Variants in DPYD observed in about 807,000 individuals in gnomAD.
DPYD encodes the protein dihydropyrimidine dehydrogenase [NADP(+)].
A neutral mutation model predicts 116.2 loss-of-function variants in DPYD; 109 were observed. The observed-to-expected ratio is 0.94, with a 90% CI of 0.80 to 1.10. DPYD has a LOEUF of 1.10. Among genes scored for constraint, DPYD ranks in the 50% least tolerant of loss-of-function variants. DPYD has a pLI of 0.00. For synonymous variants in DPYD, 440 were observed against 432.0 expected (o/e 1.02, Z -0.23); for missense variants, 1,302 against 1,254.5 (o/e 1.04, Z -0.57).
At chr1:97,167,039 G>A (rs1656377438) in intron 20 of DPYD, among the ~76,000 whole-genome samples, 1 of 151,958 alleles carries the variant, frequency 6.6e-6, no homozygotes, top group African/African-American at 2.4e-5. Context: ...TTTTTTTATA[G>A]CCAAAGTTTA....
intron 20 of DPYD, among the ~76,000 whole-genome samples, chr1:97,173,534 GAAGT>G (rs1462823185): frequency 2.7e-5 from 4 of 150,090 alleles, no homozygotes; most frequent in African/African-American, 9.8e-5. Flanking sequence ...ACAATTATGT[GAAGT>G]ATTTAGAGTT....
intron 8 of DPYD, among the ~76,000 whole-genome samples, chr1:97,664,340 G>GTA (rs148781303): frequency 0.011 from 1,627 of 151,146 alleles, 36 homozygotes; most frequent in African/African-American, 0.037. Context: ...GTATGTGTGT[G>GTA]TATATATATA....
intron 8 of DPYD, among the ~76,000 whole-genome samples, chr1:97,606,474 A>G (rs1655609052): frequency 6.6e-6 from 1 of 151,978 alleles, no homozygotes. Flanking sequence ...TAAAAGATTA[A>G]TGTTTCCAGT....
chr1:97,595,758 T>C (rs1311587007), intron 8 of DPYD, among the ~76,000 whole-genome samples: 1 of 151,840 alleles, frequency 6.6e-6, no homozygotes, highest in East Asian at 1.9e-4. Context: ...GTAAGGAACA[T>C]ATTAGCTTTT....
chr1:97,813,040 T>C (rs548779965), intron 3 of DPYD, among the ~76,000 whole-genome samples: 1 of 152,270 alleles, frequency 6.6e-6, no homozygotes, highest in South Asian at 2.1e-4. Context: ...ACTTTCATTT[T>C]GGTGGAATGC....
intron 18 of DPYD, among the ~76,000 whole-genome samples, chr1:97,292,426 C>T (rs1281339661): frequency 6.6e-6 from 1 of 152,096 alleles, no homozygotes; most frequent in African/African-American, 2.4e-5. Flanking sequence ...GGGGGAAAAG[C>T]CCCTTATAAA....
intron 10 of DPYD, among the ~76,000 whole-genome samples, chr1:97,587,950 T>A (rs1654252865): frequency 6.6e-6 from 1 of 151,948 alleles, no homozygotes. Context: ...GGCCTATAGG[T>A]CATGCCACAA....
rs146209480 is a variant in DPYD, at chr1:97,358,966, C to T, written c.2058+14595G>A. ...AAAGCTGGATGGAGAATGATTTTGA[C>T]AAGTTGACAGAAGTAGGCTTCAGAA... On this transcript the variant is annotated intron_variant, in intron 16 of 22. Coordinates refer to ENST00000370192, the MANE Select transcript of DPYD (RefSeq NM_000110.4). 8.9e-3 allele frequency among the ~76,000 whole-genome samples: 1,353 copies of T among 152,212 alleles called. 8 individuals carry two copies. Among genetic ancestry groups the T allele is most frequent in the South Asian group, 0.014 (67 of 4,808 alleles).
intron 1 of DPYD, among the ~76,000 whole-genome samples, chr1:97,917,158 A>C (rs1368547202): frequency 6.6e-6 from 1 of 152,226 alleles, no homozygotes; most frequent in African/African-American, 2.4e-5. Flanking sequence ...TGCAGTGCCC[A>C]GTCAATAAAA....
intron 14 of DPYD, among the ~76,000 whole-genome samples, chr1:97,433,017 G>A (rs1461297065): frequency 6.6e-6 from 1 of 152,112 alleles, no homozygotes; most frequent in Non-Finnish European, 1.5e-5. Context: ...TTGCTCGGGA[G>A]TTCTCTCTGC....
intron 18 of DPYD, among the ~76,000 whole-genome samples, chr1:97,261,552 C>G (rs902496428): frequency 3.5e-4 from 50 of 142,792 alleles, no homozygotes; most frequent in African/African-American, 1.2e-3. Flanking sequence ...CCTAACTTGC[C>G]AAGCAGGAAA....
chr1:97,780,268 T>A (rs1666664369), intron 3 of DPYD, among the ~76,000 whole-genome samples: 1 of 152,194 alleles, frequency 6.6e-6, no homozygotes, highest in African/African-American at 2.4e-5. Flanking sequence ...AATTAGAAAC[T>A]GATGAACAAA....
intron 12 of DPYD, among the ~76,000 whole-genome samples, chr1:97,519,257 G>A (rs1020352686): frequency 6.6e-6 from 1 of 152,148 alleles, no homozygotes; most frequent in Non-Finnish European, 1.5e-5. Flanking sequence ...CACAATCATG[G>A]TGGGAGGCAA....
At position 97,657,987 on chromosome 1, in the gene DPYD, T is replaced by C. The variant is rs188635968; in HGVS notation, c.850+21108A>G. Among the ~76,000 whole-genome samples, 6 of 152,244 alleles carry C rather than the reference T, an allele frequency of 3.9e-5. No individual in the cohort carries two copies. The East Asian group carries it at 9.7e-4, about 24-fold the overall frequency. On this transcript the variant is annotated intron_variant, in intron 8 of 22. Transcript: ENST00000370192. The stretch of plus-strand genomic sequence containing the variant: ...TTTTGAGACCAATAGATAGTTGAAA[T>C]AGACCTATAGGAACACAACTACTGA...
intron 14 of DPYD, among the ~76,000 whole-genome samples, chr1:97,397,272 T>C (rs12040699): frequency 0.19 from 29,052 of 151,888 alleles, 2,927 homozygotes; most frequent in South Asian, 0.36. Context: ...GTAGTAGTTA[T>C]GTAGTCATGT....
intron 3 of DPYD, among the ~76,000 whole-genome samples, chr1:97,787,523 G>A (rs1667107851): frequency 6.6e-6 from 1 of 152,144 alleles, no homozygotes; most frequent in Admixed American, 6.5e-5. Context: ...TTACCGTTAG[G>A]CAGAGAAGTA....
chr1:97,595,116 G>A lies in DPYD; in HGVS notation c.901C>T (p.Gln301Ter). ...AAGTCTTTGGATGTATAAAACCCCT[G>A]GTCCTGCGTCAGGCCTTGGAAGATG... ...DAIFQGLTQD[Q>*]GFYTSKDFLP... The change falls in exon 9 of 23, where the codon CAG (glutamine) becomes TAG (stop). Residue 301 changes from glutamine to a stop codon, truncating the protein, a stop_gained. Coordinates refer to ENST00000370192, the MANE Select transcript of DPYD (RefSeq NM_000110.4). LOFTEE classifies it high-confidence loss of function. 2 of 1,613,614 alleles carry A rather than the reference G, an allele frequency of 1.2e-6. No homozygotes were observed. Among genetic ancestry groups the A allele is most frequent in the Non-Finnish European group, 1.7e-6 (2 of 1,179,686 alleles).
chr1:97,264,715 C>T (rs952485917), intron 18 of DPYD, among the ~76,000 whole-genome samples: 3 of 152,050 alleles, frequency 2.0e-5, no homozygotes, highest in Admixed American at 2.0e-4. Flanking sequence ...AAATTGTGCT[C>T]AGATGGATCA....
At chr1:97,258,577 G>A (rs1402078577) in intron 18 of DPYD, among the ~76,000 whole-genome samples, 1 of 152,072 alleles carries the variant, frequency 6.6e-6, no homozygotes, top group Non-Finnish European at 1.5e-5. Context: ...CTCCCAAATA[G>A]GCCACTTTCA....
Sources: allele counts gnomAD v4.1 joint callset (sites outside exome capture counted in the v4.1 genomes callset), GRCh38; gene constraint gnomAD v4.1.1; transcripts MANE v1.5; gene names NCBI Gene and HGNC (gene_info 2026-07-23, HGNC 2026-07-21).